Variants in SETD2 observed in about 807,000 individuals in gnomAD.
SETD2 encodes the protein histone-lysine N-methyltransferase SETD2.
SETD2 carries 31 observed loss-of-function variants against 242.1 expected under a neutral mutation model. The ratio of observed to expected loss-of-function variants is 0.13; its 90% confidence interval spans 0.10 to 0.17. The LOEUF is 0.17. SETD2 is among the 10% of genes least tolerant of loss of function. SETD2 has a pLI of 1.00. For missense variants in SETD2, 2,481 were observed against 3,046.3 expected (o/e 0.81, Z 4.37); for synonymous variants, 1,006 against 1,066.5 (o/e 0.94, Z 1.11).
intron 9 of SETD2, among the ~76,000 whole-genome samples, chr3:47,096,082 A>C (rs867827410): frequency 6.6e-6 from 1 of 152,332 alleles, no homozygotes; most frequent in African/African-American, 2.4e-5. Flanking sequence ...AAAAACTTTT[A>C]AAATGCCACA....
At chr3:47,142,858 G>A (rs1219227550) in intron 1 of SETD2, among the ~76,000 whole-genome samples, 1 of 152,076 alleles carries the variant, frequency 6.6e-6, no homozygotes, top group Non-Finnish European at 1.5e-5. Flanking sequence ...TAGCAGAGAT[G>A]GGGTTTCACC....
At chr3:47,154,026 G>A (rs1356604787) in intron 1 of SETD2, among the ~76,000 whole-genome samples, 1 of 152,132 alleles carries the variant, frequency 6.6e-6, no homozygotes, top group East Asian at 1.9e-4. Flanking sequence ...CTTTTAAACT[G>A]CCTAATATAC....
Position 47,017,550 on chromosome 3 carries a change from AT to A in SETD2, c.7533+87del. On this transcript the variant is annotated intron_variant, in intron 20 of 20. Transcript: ENST00000409792. The surrounding 1 kb of genome is among the most constrained non-coding windows in gnomAD (Gnocchi z 4.8). ...CTGACATCTGACAAGAAAAAAAAAA[AT>A]ACTTTCTATGATGAAAAGGGCTTCT... 1 of 1,032,638 alleles carries A rather than the reference AT, an allele frequency of 9.7e-7. No individual in the cohort carries two copies. Among genetic ancestry groups the A allele is most frequent in the African/African-American group, 1.6e-5 (1 of 62,328 alleles). 64.0% of individuals were successfully genotyped at this position (1,032,638 alleles called of 1,614,324 possible).
intron 1 of SETD2, among the ~76,000 whole-genome samples, chr3:47,148,473 T>C (rs1252293705): frequency 2.0e-5 from 3 of 152,096 alleles, no homozygotes; most frequent in Admixed American, 6.6e-5. Context: ...CCCCTCAAAC[T>C]TTCTTTTAAT....
intron 1 of SETD2, among the ~76,000 whole-genome samples, chr3:47,161,602 ACAAAAAACATGTTACAATTCTT>A (rs1296463639): frequency 6.6e-6 from 1 of 152,174 alleles, no homozygotes; most frequent in African/African-American, 2.4e-5. Context: ...AACAACAACA[ACAAAAAACATGTTACAATTCTT>A]TACTCCATAC....
At chr3:47,038,278 T>C (rs1433860677) in intron 17 of SETD2, among the ~76,000 whole-genome samples, 3 of 152,150 alleles carry the variant, frequency 2.0e-5, no homozygotes, top group Admixed American at 2.0e-4. Flanking sequence ...GTTCTGCCCC[T>C]CTGGTTTAAT....
intron 1 of SETD2, among the ~76,000 whole-genome samples, chr3:47,137,233 G>T (rs753313452): frequency 6.6e-6 from 1 of 151,112 alleles, no homozygotes; most frequent in Admixed American, 6.6e-5. Flanking sequence ...TTACTCTGTC[G>T]CCAGGCTGGA....
chr3:47,020,226 A>G (rs1172894229), intron 18 of SETD2, among the ~76,000 whole-genome samples: 2 of 152,234 alleles, frequency 1.3e-5, no homozygotes, highest in African/African-American at 4.8e-5. Context: ...TCCAGGACAG[A>G]GGCGAAATGC....
chr3:47,109,814 C>CCTCT (rs1003252850), intron 5 of SETD2, among the ~76,000 whole-genome samples: 3 of 151,810 alleles, frequency 2.0e-5, no homozygotes, highest in African/African-American at 7.3e-5. Flanking sequence ...GGTGAAACCC[C>CCTCT]CTCTCTACTA....
chr3:47,163,927 G>C lies in SETD2; in HGVS notation c.-3C>G, dbSNP rs2106868822. On this transcript the variant is annotated 5_prime_UTR_variant, in exon 1 of 21. Coordinates refer to ENST00000409792, the MANE Select transcript of SETD2 (RefSeq NM_014159.7). ...GGCTGCGGCTGCAGCTGCTTCATCGGGAGCGGCTGGAGACGGCGACGCGAG... is the reference window on the plus strand; with the variant it reads ...GGCTGCGGCTGCAGCTGCTTCATCGCGAGCGGCTGGAGACGGCGACGCGAG... The C allele has an allele frequency of 7.7e-7, 1 of 1,299,596 alleles. No individual in the cohort carries two copies. The highest frequency in any genetic ancestry group is 9.8e-7 in the Non-Finnish European group (1 of 1,019,100). The allele number at this position is 1,299,596 out of a possible 1,614,324, so 80.5% of individuals were successfully genotyped here. A position where few individuals can be genotyped will look rare whatever the true frequency, so the allele number is the denominator to read the frequency against.
intron 12 of SETD2, among the ~76,000 whole-genome samples, chr3:47,076,595 C>T (rs192129832): frequency 3.3e-5 from 5 of 152,248 alleles, no homozygotes; most frequent in African/African-American, 1.2e-4. Flanking sequence ...TTGAAGAAAG[C>T]AATTCCATGG....
At chr3:47,096,143 T>C (rs2041997894) in intron 9 of SETD2, among the ~76,000 whole-genome samples, 1 of 152,220 alleles carries the variant, frequency 6.6e-6, no homozygotes, top group African/African-American at 2.4e-5. Context: ...TGGCCATAGT[T>C]GCCTCAAAGG....
At chr3:47,126,496 C>T (rs1209482548) in intron 2 of SETD2, among the ~76,000 whole-genome samples, 152 bp downstream of exon 2, 1 of 152,108 alleles carries the variant, frequency 6.6e-6, no homozygotes, top group Non-Finnish European at 1.5e-5. Context: ...GATAAGTTAC[C>T]ATGGCTCTAA....
At chr3:47,034,253 T>C (rs1028514535) in intron 18 of SETD2, among the ~76,000 whole-genome samples, 2 of 152,196 alleles carry the variant, frequency 1.3e-5, no homozygotes, top group East Asian at 1.9e-4. Flanking sequence ...TGAATCTCCA[T>C]TGGAACTACT....
At chr3:47,156,806 T>G (rs2044136793) in intron 1 of SETD2, among the ~76,000 whole-genome samples, 1 of 152,216 alleles carries the variant, frequency 6.6e-6, no homozygotes, top group Admixed American at 6.5e-5. Flanking sequence ...TTCTCTCAGT[T>G]GGCTTCCTAA....
intron 10 of SETD2, among the ~76,000 whole-genome samples, chr3:47,087,739 G>T (rs2041624113): frequency 6.6e-6 from 1 of 152,158 alleles, no homozygotes. Flanking sequence ...GGCTGAGACG[G>T]GTGGATCATC....
intron 7 of SETD2, 89 bp from the exon 8 acceptor site, chr3:47,101,644 A>G: frequency 2.9e-6 from 2 of 687,024 alleles, no homozygotes; most frequent in Non-Finnish European, 5.1e-6. Flanking sequence ...GCGCATATAT[A>G]AAGATCATCA....
At chr3:47,059,467 T>A (rs2107583233) in intron 14 of SETD2, among the ~76,000 whole-genome samples, 1 of 151,782 alleles carries the variant, frequency 6.6e-6, no homozygotes, top group Admixed American at 6.6e-5. Flanking sequence ...TCACCCAGGC[T>A]GGAGTGCAGT....
chr3:47,119,735 C>A (rs1438601648), intron 3 of SETD2: 7 of 450,046 alleles, frequency 1.6e-5, no homozygotes, highest in Non-Finnish European at 3.2e-5. Context: ...ATGTCTTTAT[C>A]AGCAGCATGA....
Sources: gnomAD v4.1 joint callset for allele counts (sites outside exome capture counted in the v4.1 genomes callset) on GRCh38, gnomAD v4.1.1 for gene constraint, Gnocchi (gnomAD v3.1) non-coding constraint, MANE v1.5 for transcripts, NCBI Gene and HGNC (gene_info 2026-07-23, HGNC 2026-07-21) for gene names.